Variants in SP1 observed in about 807,000 individuals in gnomAD.
SP1 encodes transcription factor Sp1.
A neutral mutation model predicts 66.3 loss-of-function variants in SP1; 6 were observed. That is an observed-to-expected ratio of 0.09 (90% confidence interval 0.05 to 0.18). SP1 has a LOEUF of 0.18. Among genes scored for constraint, SP1 ranks in the 10% least tolerant of loss-of-function variants. The probability of loss-of-function intolerance (pLI) is 1.00; values close to 1 mark genes in which losing one functional copy is unlikely to be tolerated. For synonymous variants in SP1, 417 were observed against 360.8 expected, an observed-to-expected ratio of 1.16 and a Z score of -1.77; for missense variants, 848 against 964.5, an observed-to-expected ratio of 0.88 and a Z score of 1.60.
chr12:53,380,274 T>G lies in SP1; in HGVS notation c.-18T>G. Reference sequence around the variant, plus strand: ...CCCCCGGACAGGACCCCCTTGAGCTTGTCCCTCAGCTGCCACCATGAGCGG... The same window carrying G: ...CCCCCGGACAGGACCCCCTTGAGCTGGTCCCTCAGCTGCCACCATGAGCGG... On this transcript the variant is annotated 5_prime_UTR_variant, in exon 1 of 6. Transcript: ENST00000327443. 1 of 892,374 alleles carries G rather than the reference T, an allele frequency of 1.1e-6. No homozygotes were observed. Among genetic ancestry groups the G allele is most frequent in the Non-Finnish European group, 1.7e-6 (1 of 578,232 alleles). The allele number at this position is 892,374 out of a possible 1,614,324, so 55.3% of individuals were successfully genotyped here.
At position 53,382,113 on chromosome 12, in the gene SP1, T is replaced by C. The variant is rs1186643502; in HGVS notation, c.166T>C (p.Ser56Pro). 1.9e-6 allele frequency: 3 copies of C among 1,613,326 alleles called. No individual in the cohort carries two copies. In the Admixed American group the frequency reaches 5.0e-5, roughly 27 times the overall value. Residue 56 changes from serine (S) to proline (P), a missense_variant, in exon 3 of 6, where the codon TCC becomes CCC. Ser to Pro is a moderately conservative substitution (Grantham distance 74). This residue lies in a region of SP1 where 84 missense variants were observed against 73.9 expected (regional missense o/e 1.14). Transcript: ENST00000327443. ...CCTCTCCCTTATTTTCGGCCAGGAG[T>C]CCCAGCCATCCCCTTTGGCTCTGCT... The part of the protein sequence containing the change: ...SSSTGGGGQE[S>P]QPSPLALLAA...
intron 3 of SP1, among the ~76,000 whole-genome samples, chr12:53,392,971 GC>G (rs570804014): frequency 1.1e-4 from 17 of 151,400 alleles, no homozygotes; most frequent in East Asian, 8.0e-4. Context: ...ATTACAGGTG[GC>G]CCGCCACCAT....
intron 3 of SP1, among the ~76,000 whole-genome samples, chr12:53,389,398 T>G (rs12818938): frequency 0.18 from 27,514 of 151,394 alleles, 2,589 homozygotes; most frequent in African/African-American, 0.21. Flanking sequence ...TAATCGAGAT[T>G]GAGTTTCACC....
In SP1 at chr12:53,411,556, TC is replaced by T. The variant is rs1439466245; in HGVS notation, c.*318del. 2.8e-5 allele frequency: 6 copies of T among 215,046 alleles called. No homozygotes were observed. The highest frequency in any genetic ancestry group is 1.4e-4 in the African/African-American group (6 of 43,568). The allele number at this position is 215,046 out of a possible 1,614,324, so 13.3% of individuals were successfully genotyped here. ...TTCCTGCATTTCTCTTCTCAGCTCT[TC>T]CATGATGGATTCCCCCCCCTTTCCT... On this transcript the variant is annotated 3_prime_UTR_variant, in exon 6 of 6. Transcript: ENST00000327443.
intron 3 of SP1, among the ~76,000 whole-genome samples, chr12:53,398,984 A>C (rs965087301): frequency 6.6e-6 from 1 of 152,178 alleles, no homozygotes; most frequent in Admixed American, 6.6e-5. Flanking sequence ...AGTTTTGTCA[A>C]TATGCTCTTA....
chr12:53,406,065 CTTTTTTTTTTT>C (rs1170832065), intron 3 of SP1, among the ~76,000 whole-genome samples: 1 of 82,412 alleles, frequency 1.2e-5, no homozygotes, highest in Admixed American at 1.7e-4. Flanking sequence ...TATTTTCTTT[CTTTTTTTTTTT>C]TTTTTTTTTT....
intron 3 of SP1, among the ~76,000 whole-genome samples, chr12:53,386,930 T>G (rs906702766): frequency 6.6e-6 from 1 of 151,056 alleles, no homozygotes; most frequent in Non-Finnish European, 1.5e-5. Flanking sequence ...ATCACCCAAC[T>G]TCTAGGTTTG....
intron 3 of SP1, among the ~76,000 whole-genome samples, chr12:53,404,152 CAG>C (rs1938674518): frequency 6.8e-6 from 1 of 148,104 alleles, no homozygotes; most frequent in East Asian, 2.0e-4. Flanking sequence ...GCCTGGGCGA[CAG>C]AGCGAGACTC....
At chr12:53,386,308 GTAGGATTGAGAAGAGT>G (rs1938229027) in intron 3 of SP1, among the ~76,000 whole-genome samples, 2 of 152,028 alleles carry the variant, frequency 1.3e-5, no homozygotes, top group African/African-American at 4.8e-5. Context: ...AGTGGGGGAT[GTAGGATTGAGAAGAGT>G]TAGGAATGAG....
At position 53,382,775 on chromosome 12, in the gene SP1, C is replaced by G; in HGVS notation, c.828C>G (p.Thr276=). The part of the protein sequence containing the change: ...LLPVNSVSAA[T]LTPSSQAVTI... ...CTGTCAACAGCGTTTCTGCAGCTAC[C>G]TTGACTCCCAGCTCTCAGGCAGTCA... The change falls in exon 3 of 6, where the codon ACC becomes ACG. Residue 276 remains threonine (T), a synonymous_variant. Coordinates refer to ENST00000327443, the MANE Select transcript of SP1 (RefSeq NM_138473.3). 6.2e-7 allele frequency: 1 copy of G among 1,614,196 alleles called. No individual in the cohort carries two copies. The highest frequency in any genetic ancestry group is 2.2e-5 in the East Asian group (1 of 44,882).
At chr12:53,404,966 T>C (rs1938699370) in intron 3 of SP1, among the ~76,000 whole-genome samples, 1 of 152,120 alleles carries the variant, frequency 6.6e-6, no homozygotes, top group African/African-American at 2.4e-5. Context: ...CCCGAATAGC[T>C]AGGATTACAA....
intron 3 of SP1, among the ~76,000 whole-genome samples, chr12:53,403,960 A>G (rs1490146195): frequency 2.0e-5 from 3 of 151,458 alleles, no homozygotes; most frequent in East Asian, 4.0e-4. Flanking sequence ...TCATGAGGTC[A>G]GGAGACCAAG....
intron 3 of SP1, among the ~76,000 whole-genome samples, chr12:53,388,222 G>C (rs774040840): frequency 6.6e-6 from 1 of 152,106 alleles, no homozygotes; most frequent in Non-Finnish European, 1.5e-5. Context: ...GCCCGGTTTT[G>C]CTCTTCTTCA....
At chr12:53,384,886 A>G (rs1236909838) in intron 3 of SP1, among the ~76,000 whole-genome samples, 2 of 151,396 alleles carry the variant, frequency 1.3e-5, no homozygotes, top group East Asian at 3.9e-4. Flanking sequence ...TCGGGAGGCT[A>G]AGGCATGAGA....
In SP1 at chr12:53,406,753, G is replaced by GCTTC; in HGVS notation, c.1844_1844+1insCTTC (p.Arg615SerfsTer59). 1.2e-6 allele frequency: 2 copies of GCTTC among 1,612,124 alleles called. No homozygotes were observed. Among genetic ancestry groups the GCTTC allele is most frequent in the Non-Finnish European group, 1.7e-6 (2 of 1,179,018 alleles). ...CCCTACTGTAAAGACAGTGAAGGAA[G>GCTTC]GTGAGTTGACCCAGCCAGTTTCTTA... On this transcript the variant is annotated frameshift_variant and splice_region_variant. Transcript: ENST00000327443. LOFTEE classifies it high-confidence loss of function.
chr12:53,382,106 C>T lies in SP1; in HGVS notation c.163-4C>T. Reference sequence around the variant, plus strand: ...CTCCTTTCCTCTCCCTTATTTTCGGCCAGGAGTCCCAGCCATCCCCTTTGG... The same window carrying T: ...CTCCTTTCCTCTCCCTTATTTTCGGTCAGGAGTCCCAGCCATCCCCTTTGG... On this transcript the variant is annotated splice_region_variant and splice_polypyrimidine_tract_variant and intron_variant, in intron 2 of 5. Transcript: ENST00000327443. 6.2e-7 allele frequency: 1 copy of T among 1,612,898 alleles called. No homozygotes were observed. Among genetic ancestry groups the T allele is most frequent in the Non-Finnish European group, 8.5e-7 (1 of 1,179,342 alleles).
intron 4 of SP1, among the ~76,000 whole-genome samples, chr12:53,407,630 A>T (rs1025248392): frequency 2.0e-5 from 2 of 98,522 alleles, no homozygotes; most frequent in Non-Finnish European, 4.4e-5. Context: ...GGCCAAAAAA[A>T]TTTATTTATT....
At chr12:53,407,981 T>C (rs1938784538) in intron 4 of SP1, among the ~76,000 whole-genome samples, 1 of 135,590 alleles carries the variant, frequency 7.4e-6, no homozygotes, top group Non-Finnish European at 1.6e-5. Flanking sequence ...GTACGGTGGC[T>C]CACGCCTGTA....
intron 3 of SP1, among the ~76,000 whole-genome samples, chr12:53,392,474 A>G (rs1341861855): frequency 6.8e-6 from 1 of 146,018 alleles, no homozygotes; most frequent in East Asian, 2.0e-4. Context: ...CTCCTGCCTC[A>G]GCCTCCCAAG....
Sources: gnomAD v4.1 joint callset for allele counts (sites outside exome capture counted in the v4.1 genomes callset) on GRCh38, gnomAD v4.1.1 for gene constraint, gnomAD v4.1.1 regional missense constraint, MANE v1.5 for transcripts, NCBI Gene and HGNC (gene_info 2026-07-23, HGNC 2026-07-21) for gene names.